The following DLG2 variants were observed in gnomAD, a reference collection of about 807,000 sequenced individuals.
The protein encoded by DLG2 is discs large MAGUK scaffold protein 2.
DLG2 carries 45 observed loss-of-function variants against 132.5 expected under a neutral mutation model. The observed-to-expected ratio is 0.34, with a 90% confidence interval of 0.27 to 0.44. The LOEUF (loss-of-function observed/expected upper bound fraction) is 0.44. Ranked by LOEUF, DLG2 falls within the 20% of genes least tolerant of loss-of-function variation. DLG2 has a pLI of 1.00. For synonymous variants in DLG2, 424 were observed against 419.6 expected, an observed-to-expected ratio of 1.01 and a Z score of -0.13; for missense variants, 1,045 against 1,196.9, an observed-to-expected ratio of 0.87 and a Z score of 1.87.
rs145917019 is a variant in DLG2 at position 84,719,884 on chromosome 11, C to CA, written c.358-185154dup. On this transcript the variant is annotated intron_variant, in intron 6 of 27. Transcript: ENST00000376104. ...TTTATCTAGAGTTCATCGACCACCC[C>CA]ACTTACTCCTGCTAGTTAGCCCAGT... 7.0e-3 allele frequency among the ~76,000 whole-genome samples: 1,066 copies of CA among 152,190 alleles called. 14 individuals are homozygous for CA. The highest frequency in any genetic ancestry group is 0.023 in the African/African-American group (969 of 41,528).
intron 6 of DLG2, among the ~76,000 whole-genome samples, chr11:84,952,789 A>C (rs948964909): frequency 6.6e-6 from 1 of 152,246 alleles, no homozygotes; most frequent in Non-Finnish European, 1.5e-5. Context: ...GAAAGGGTAC[A>C]TTGAGGGTTG....
chr11:85,175,560 G>A (rs1403245152), intron 4 of DLG2, among the ~76,000 whole-genome samples: 1 of 152,142 alleles, frequency 6.6e-6, no homozygotes, highest in Non-Finnish European at 1.5e-5. Context: ...CACAAGACAA[G>A]GATGCCCTCT....
At chr11:84,455,551 C>T (rs1451553458) in intron 7 of DLG2, among the ~76,000 whole-genome samples, 1 of 151,118 alleles carries the variant, frequency 6.6e-6, no homozygotes, top group Non-Finnish European at 1.5e-5. Flanking sequence ...GTGTTATGCT[C>T]CCTCTCTTTG....
chr11:84,034,976 A>T (rs1350260875), intron 11 of DLG2, among the ~76,000 whole-genome samples: 6 of 152,174 alleles, frequency 3.9e-5, no homozygotes, highest in African/African-American at 1.4e-4. Flanking sequence ...TCTCCAACAT[A>T]GGTGAACACG....
intron 5 of DLG2, among the ~76,000 whole-genome samples, chr11:85,141,912 A>G (rs757840045): frequency 4.0e-5 from 6 of 151,810 alleles, no homozygotes; most frequent in Non-Finnish European, 8.8e-5. Flanking sequence ...CCATTGATCT[A>G]TGTGTCTGTT....
At chr11:85,090,039 T>C (rs2068521806) in intron 6 of DLG2, among the ~76,000 whole-genome samples, 2 of 152,166 alleles carry the variant, frequency 1.3e-5, no homozygotes, top group Admixed American at 1.3e-4. Flanking sequence ...GGGCATAATA[T>C]TCTATTATGC....
intron 20 of DLG2, among the ~76,000 whole-genome samples, chr11:83,540,963 G>A (rs987358500): frequency 3.3e-5 from 5 of 152,104 alleles, no homozygotes; most frequent in African/African-American, 1.2e-4. Context: ...ACAGATTAAG[G>A]AGTTGGCTGT....
chr11:85,340,135 C>G (rs888484110), intron 3 of DLG2, among the ~76,000 whole-genome samples: 2 of 152,184 alleles, frequency 1.3e-5, no homozygotes, highest in Non-Finnish European at 2.9e-5. Flanking sequence ...AATCCCATTA[C>G]TTGGTATATA....
chr11:83,862,965 C>T (rs1010935406), intron 16 of DLG2, among the ~76,000 whole-genome samples: 2 of 152,106 alleles, frequency 1.3e-5, no homozygotes, highest in African/African-American at 4.8e-5. Flanking sequence ...GACTTTTGCA[C>T]TCAGTCGAGA....
intron 6 of DLG2, among the ~76,000 whole-genome samples, chr11:85,039,644 G>A (rs2061684339): frequency 6.6e-6 from 1 of 151,794 alleles, no homozygotes; most frequent in Admixed American, 6.6e-5. Context: ...CCATGATGTT[G>A]GGGACAATGT....
intron 8 of DLG2, among the ~76,000 whole-genome samples, chr11:84,165,528 A>T (rs2154264260): frequency 6.6e-6 from 1 of 152,288 alleles, no homozygotes; most frequent in African/African-American, 2.4e-5. Context: ...AAATAATATC[A>T]TTTGTCTAAT....
intron 7 of DLG2, among the ~76,000 whole-genome samples, chr11:84,531,815 C>T (rs2099342434): frequency 1.3e-5 from 2 of 152,104 alleles, no homozygotes; most frequent in Non-Finnish European, 2.9e-5. Flanking sequence ...ATAAATATAA[C>T]AGAAAATCTA....
At chr11:85,380,226 T>C (rs922758623) in intron 3 of DLG2, among the ~76,000 whole-genome samples, 11 of 152,226 alleles carry the variant, frequency 7.2e-5, no homozygotes, top group Non-Finnish European at 1.2e-4. Flanking sequence ...TTTATTCCAG[T>C]GGTATACAAC....
At chr11:83,885,525 C>G (rs1343122955) in intron 15 of DLG2, among the ~76,000 whole-genome samples, 1 of 152,202 alleles carries the variant, frequency 6.6e-6, no homozygotes, top group Non-Finnish European at 1.5e-5. Context: ...AAACACTCTA[C>G]AGGATATTAT....
chr11:83,472,874 G>T, intron 22 of DLG2, 97 bp from the exon 23 acceptor site: 2 of 999,616 alleles, frequency 2.0e-6, no homozygotes, highest in Non-Finnish European at 1.5e-6. Context: ...ACAGCTCAGA[G>T]TTAATTCTCC....
At chr11:83,845,531 C>T (rs1284930710) in intron 16 of DLG2, among the ~76,000 whole-genome samples, 1 of 152,154 alleles carries the variant, frequency 6.6e-6, no homozygotes, top group Non-Finnish European at 1.5e-5. Flanking sequence ...TTTTGTTGAA[C>T]TGCTATTTGA....
intron 7 of DLG2, chr11:84,273,162 C>A (rs1032835689): frequency 5.2e-6 from 8 of 1,530,590 alleles, no homozygotes; most frequent in Non-Finnish European, 7.0e-6. Flanking sequence ...GGAATAAATG[C>A]ATGTTGCATA....
At chr11:84,809,261 T>C (rs1281574794) in intron 6 of DLG2, among the ~76,000 whole-genome samples, 5 of 151,846 alleles carry the variant, frequency 3.3e-5, no homozygotes, top group Non-Finnish European at 7.4e-5. Flanking sequence ...TCTTAAAAAC[T>C]GGGAATAGAA....
At chr11:84,154,460 C>A (rs972791242) in intron 9 of DLG2, among the ~76,000 whole-genome samples, 1 of 152,170 alleles carries the variant, frequency 6.6e-6, no homozygotes, top group East Asian at 1.9e-4. Flanking sequence ...CACATTTTCC[C>A]CTTGTTCTTT....
Sources: gnomAD v4.1 joint callset for allele counts (sites outside exome capture counted in the v4.1 genomes callset) on GRCh38, gnomAD v4.1.1 for gene constraint, MANE v1.5 for transcripts, NCBI Gene and HGNC (gene_info 2026-07-23, HGNC 2026-07-21) for gene names.